The following MANBAL variants were observed in gnomAD, a reference collection of about 807,000 sequenced individuals.
MANBAL encodes the protein protein MANBAL.
In MANBAL, 1 loss-of-function variant was observed where a neutral mutation model predicts 6.4. The ratio of observed to expected loss-of-function variants is 0.16; its 90% CI spans 0.06 to 0.74. The LOEUF (loss-of-function observed/expected upper bound fraction) is 0.74. MANBAL is among the 30% of genes least tolerant of loss of function. The pLI is 0.78. For missense variants in MANBAL, 100 were observed against 107.8 expected, an observed-to-expected ratio of 0.93 and a Z score of 0.32; for synonymous variants, 47 against 45.8, an observed-to-expected ratio of 1.03 and a Z score of -0.10.
At position 37,316,647 on chromosome 20, in the gene MANBAL, C is replaced by T; in HGVS notation, c.*232C>T. The T allele has an allele frequency of 2.4e-6, 1 of 420,004 alleles. No homozygotes were observed. The highest frequency in any genetic ancestry group is 2.6e-5 in the South Asian group (1 of 38,262). 26.0% of individuals were successfully genotyped at this position (420,004 alleles called of 1,614,324 possible). A position where few individuals can be genotyped will look rare whatever the true frequency, so the allele number is the denominator to read the frequency against. On this transcript the variant is annotated 3_prime_UTR_variant, in exon 3 of 3. Coordinates refer to ENST00000373606, the MANE Select transcript of MANBAL (RefSeq NM_001003897.2). The stretch of plus-strand genomic sequence containing the variant: ...GTTTAGAGTCAAGGGGGCTGAAACA[C>T]ACTGTGAGCATAGACTGTATTAGGT...
rs113493305 is a variant in MANBAL, at chr20:37,306,982, G to A, written c.150+5569G>A. Among the ~76,000 whole-genome samples the A allele has an allele frequency of 8.6e-4, 131 of 152,240 alleles. 2 individuals are homozygous for A. The highest frequency in any genetic ancestry group is 3.0e-3 in the African/African-American group (125 of 41,542). Reference sequence around the variant, plus strand: ...GTATTTTCTTTTTATTTATGTTTTTGAGACAGGGTCTTGCTCTATTGCCTA... The same window carrying A: ...GTATTTTCTTTTTATTTATGTTTTTAAGACAGGGTCTTGCTCTATTGCCTA... On this transcript the variant is annotated intron_variant, in intron 2 of 2. Transcript: ENST00000373606.
At chr20:37,301,923 A>G (rs924528860) in intron 2 of MANBAL, among the ~76,000 whole-genome samples, 1 of 152,204 alleles carries the variant, frequency 6.6e-6, no homozygotes, top group African/African-American at 2.4e-5. Context: ...GGACTCAATA[A>G]AGGAAGGGGC....
chr20:37,291,873 A>G (rs532583054), intron 1 of MANBAL, among the ~76,000 whole-genome samples: 15 of 151,970 alleles, frequency 9.9e-5, no homozygotes, highest in South Asian at 2.1e-4. Context: ...AGGCCTACCC[A>G]CCCATGTGGA....
At chr20:37,315,460 C>G (rs750053592) in intron 2 of MANBAL, among the ~76,000 whole-genome samples, 1 of 152,198 alleles carries the variant, frequency 6.6e-6, no homozygotes, top group Non-Finnish European at 1.5e-5. Flanking sequence ...GTGGCTGGGC[C>G]AAGCTGTGTC....
chr20:37,292,943 C>T (rs1042554720), intron 1 of MANBAL, among the ~76,000 whole-genome samples: 1 of 152,182 alleles, frequency 6.6e-6, no homozygotes, highest in Non-Finnish European at 1.5e-5. Flanking sequence ...TCTAGGCCTT[C>T]GCAGTGGACA....
intron 2 of MANBAL, among the ~76,000 whole-genome samples, chr20:37,302,931 C>T (rs992816203): frequency 3.9e-5 from 6 of 151,900 alleles, no homozygotes; most frequent in South Asian, 4.2e-4. Flanking sequence ...TGTGTGTGTG[C>T]GAGACAGGGT....
chr20:37,311,925 G>A (rs1442813389), intron 2 of MANBAL, among the ~76,000 whole-genome samples: 9 of 152,258 alleles, frequency 5.9e-5, no homozygotes, highest in Admixed American at 2.6e-4. Flanking sequence ...ACCTGGGTCT[G>A]ATCTGGGCAG....
intron 2 of MANBAL, among the ~76,000 whole-genome samples, chr20:37,314,965 G>A (rs1159146754): frequency 1.3e-5 from 2 of 152,148 alleles, no homozygotes; most frequent in Admixed American, 6.5e-5. Context: ...AACACAGAGG[G>A]GTATTTTTCT....
At chr20:37,304,635 C>T (rs901963997) in intron 2 of MANBAL, among the ~76,000 whole-genome samples, 1 of 152,188 alleles carries the variant, frequency 6.6e-6, no homozygotes, top group South Asian at 2.1e-4. Context: ...TTGGATATCA[C>T]TGTTCCTGGA....
At position 37,316,303 on chromosome 20, in the gene MANBAL, C is replaced by T. The variant is rs546854282; in HGVS notation, c.151-5C>T. 6 of 1,612,856 alleles carry T rather than the reference C, an allele frequency of 3.7e-6. No homozygotes were observed. The African/African-American group carries it at 6.7e-5, about 18-fold the overall frequency. On this transcript the variant is annotated splice_polypyrimidine_tract_variant and splice_region_variant and intron_variant, in intron 2 of 2. Transcript: ENST00000373606. ...AGCAGGACTCTCCTTTTTATCACCT[C>T]ACAGGAGGCTGAACCGTCTGAGCCC... is the stretch of plus-strand genomic sequence containing the variant.
intron 2 of MANBAL, 47 bp from the exon 3 acceptor site, chr20:37,316,261 C>G (rs1179874059): frequency 1.9e-6 from 3 of 1,555,576 alleles, no homozygotes; most frequent in Non-Finnish European, 2.6e-6. Flanking sequence ...TTGCTGGCGT[C>G]AGGCTTGATC....
At chr20:37,299,706 C>T (rs2069087933) in intron 1 of MANBAL, among the ~76,000 whole-genome samples, 2 of 152,100 alleles carry the variant, frequency 1.3e-5, no homozygotes, top group Non-Finnish European at 2.9e-5. Context: ...TTCAGTCATG[C>T]CAGGGGAAGA....
At chr20:37,303,988 A>C (rs2069201211) in intron 2 of MANBAL, among the ~76,000 whole-genome samples, 1 of 152,242 alleles carries the variant, frequency 6.6e-6, no homozygotes, top group Non-Finnish European at 1.5e-5. Context: ...GATGCCAGTC[A>C]AGGGCCAACC....
At position 37,316,363 on chromosome 20, in the gene MANBAL, C is replaced by G; in HGVS notation, c.206C>G (p.Ala69Gly). The change falls in exon 3 of 3, where the codon GCT (alanine) becomes GGT (glycine). Residue 69 changes from alanine (A) to glycine (G), a missense_variant. Transcript: ENST00000373606. ...SAEVTRKPKAAVPSVNKRPKK... is the reference protein window; with the variant it reads ...SAEVTRKPKAGVPSVNKRPKK... ...GAGGTGACGAGGAAGCCCAAGGCTG[C>G]TGTTCCTTCTGTGAACAAGAGGCCC... 1 of 1,613,912 alleles carries G rather than the reference C, an allele frequency of 6.2e-7. No individual in the cohort carries two copies. The highest frequency in any genetic ancestry group is 8.5e-7 in the Non-Finnish European group (1 of 1,179,876).
At chr20:37,298,228 T>A (rs1170218900) in intron 1 of MANBAL, among the ~76,000 whole-genome samples, 1 of 152,170 alleles carries the variant, frequency 6.6e-6, no homozygotes, top group Non-Finnish European at 1.5e-5. Context: ...AACAGATTTT[T>A]AAAAAATTGT....
chr20:37,292,594 G>A (rs543208852), intron 1 of MANBAL, among the ~76,000 whole-genome samples: 11 of 152,294 alleles, frequency 7.2e-5, no homozygotes, highest in South Asian at 2.1e-4. Context: ...GATTACAGGC[G>A]TGAGCCACCA....
intron 2 of MANBAL, among the ~76,000 whole-genome samples, chr20:37,304,641 C>G (rs1177835257): frequency 6.6e-6 from 1 of 152,100 alleles, no homozygotes; most frequent in Non-Finnish European, 1.5e-5. Flanking sequence ...ATCACTGTTC[C>G]TGGAGATGCT....
At chr20:37,311,502 A>G (rs527277556) in intron 2 of MANBAL, among the ~76,000 whole-genome samples, 87 of 152,042 alleles carry the variant, frequency 5.7e-4, no homozygotes, top group African/African-American at 2.1e-3. Flanking sequence ...TTTGAGCGAA[A>G]CTTTTTTTGA....
chr20:37,306,998 C>G (rs1392208211), intron 2 of MANBAL, among the ~76,000 whole-genome samples: 4 of 152,180 alleles, frequency 2.6e-5, no homozygotes, highest in Non-Finnish European at 5.9e-5. Context: ...GGGTCTTGCT[C>G]TATTGCCTAG....
Sources: allele counts gnomAD v4.1 joint callset (sites outside exome capture counted in the v4.1 genomes callset), GRCh38; gene constraint gnomAD v4.1.1; transcripts MANE v1.5; gene names NCBI Gene and HGNC (gene_info 2026-07-23, HGNC 2026-07-21).